The following PPIL2 variants were observed in gnomAD, a reference collection of about 807,000 sequenced individuals.
PPIL2 encodes the protein peptidylprolyl isomerase like 2, also known as RING-type E3 ubiquitin-protein ligase PPIL2.
Under a neutral mutation model 75.2 loss-of-function variants are expected in PPIL2, and 50 were observed. The ratio of observed to expected loss-of-function variants is 0.66; its 90% CI spans 0.53 to 0.84. The LOEUF is 0.84. Among genes scored for constraint, PPIL2 ranks in the 40% least tolerant of loss-of-function variants. PPIL2 has a pLI of 0.00. For synonymous variants in PPIL2, 245 were observed against 258.8 expected (o/e 0.95, Z 0.51); for missense variants, 590 against 685.0 (o/e 0.86, Z 1.55).
intron 6 of PPIL2, 141 bp from the exon 7 acceptor site, chr22:21,681,158 G>T: frequency 1.5e-6 from 1 of 678,772 alleles, no homozygotes; most frequent in South Asian, 1.7e-5. Flanking sequence ...ATGGTTCCCT[G>T]CTCTGGCAGC....
At chr22:21,691,435 C>T (rs1452258680) in intron 15 of PPIL2, among the ~76,000 whole-genome samples, 2 of 152,056 alleles carry the variant, frequency 1.3e-5, no homozygotes, top group African/African-American at 4.8e-5. Context: ...AATCCCAGCA[C>T]TTTGGGAGGC....
At chr22:21,675,021 T>G (rs778499509) in intron 5 of PPIL2, 43 bp from the exon 6 acceptor site, 147 of 1,533,154 alleles carry the variant, frequency 9.6e-5, no homozygotes, top group Non-Finnish European at 1.3e-4. Flanking sequence ...TGTGCATCAG[T>G]TACTTATTCA....
At chr22:21,686,756 C>A in intron 11 of PPIL2, 136 bp from the exon 12 acceptor site, 5 of 1,051,788 alleles carry the variant, frequency 4.8e-6, no homozygotes, top group South Asian at 1.4e-5. Flanking sequence ...CTAAGCAGAC[C>A]CTCGGCCTCC....
In PPIL2 at chr22:21,675,109, A is replaced by G. The variant is rs370015532; in HGVS notation, c.289A>G (p.Ser97Gly). 110 of 1,612,848 alleles carry G rather than the reference A, an allele frequency of 6.8e-5. No individual in the cohort carries two copies. The highest frequency in any genetic ancestry group is 1.4e-5 in the Non-Finnish European group (17 of 1,178,974). ...GATCAAGCTGAACTTTTCCAAGAAC[A>G]GTGAGGGTGAGTGGAACTATCACAG... ...SLIKLNFSKN[S>G]EGKYHCPVLF... Residue 97 changes from serine to glycine, a missense_variant, in exon 6 of 20, where the codon AGT (serine) becomes GGT (glycine). Transcript: ENST00000398831.
rs747811787 is a variant in PPIL2 at position 21,694,922 on chromosome 22, C to G, written c.1333-15C>G. The G allele has an allele frequency of 1.9e-6, 3 of 1,612,068 alleles. No homozygotes were observed. The highest frequency in any genetic ancestry group is 2.2e-5 in the South Asian group (2 of 90,900). The stretch of plus-strand genomic sequence containing the variant: ...CGAGGTGCTGCCGGTTAGCCAGCGC[C>G]CTGTTGTGCCACAGATTGCGCAGGA... On this transcript the variant is annotated splice_polypyrimidine_tract_variant and intron_variant, in intron 18 of 19. Coordinates refer to ENST00000398831, the MANE Select transcript of PPIL2 (RefSeq NM_014337.4).
Position 21,697,300 on chromosome 22 carries a change from G to A in PPIL2, c.*1810G>A, listed in dbSNP as rs1296744809. ...TGAAGGCCTGACCAGGGAGGGAGAA[G>A]CAGGTTTGGAGAGGACCCTGTGCCC... On this transcript the variant is annotated 3_prime_UTR_variant, in exon 20 of 20. Transcript: ENST00000398831. 5 of 353,332 alleles carry A rather than the reference G, an allele frequency of 1.4e-5. No homozygotes were observed. Among genetic ancestry groups the A allele is most frequent in the Non-Finnish European group, 1.6e-5 (3 of 188,622 alleles). 21.9% of individuals were successfully genotyped at this position (353,332 alleles called of 1,614,324 possible). A position where few individuals can be genotyped will look rare whatever the true frequency, so the allele number is the denominator to read the frequency against.
chr22:21,676,309 T>TTGTGTGTGTGTG (rs61112126), intron 6 of PPIL2, among the ~76,000 whole-genome samples: 18,360 of 122,120 alleles, frequency 0.15, 1,545 homozygotes, highest in Non-Finnish European at 0.18. Context: ...TTTATTTATT[T>TTGTGTGTGTGTG]TGTGTGTGTG....
chr22:21,678,882 A>C (rs1220834025), intron 6 of PPIL2, among the ~76,000 whole-genome samples: 1 of 142,948 alleles, frequency 7.0e-6, no homozygotes, highest in Non-Finnish European at 1.5e-5. Flanking sequence ...ATGTACTACC[A>C]TGCCCAGCCA....
rs534602836 is a variant in PPIL2, at chr22:21,687,268, G to A, written c.897+270G>A. On this transcript the variant is annotated intron_variant, in intron 12 of 19. Transcript: ENST00000398831. ...TCTCCCATGCGCTGTACTCTGGGCC[G>A]TGCGGCTGCACGGGTCCTGTTGCTT... Among the ~76,000 whole-genome samples, 277 of 152,330 alleles carry A rather than the reference G, an allele frequency of 1.8e-3. 1 individual carries two copies. Among genetic ancestry groups the A allele is most frequent in the African/African-American group, 6.5e-3 (270 of 41,576 alleles).
At chr22:21,688,613 GTGCCCC>G in intron 14 of PPIL2, 113 bp from the exon 15 acceptor site, 1 of 922,438 alleles carries the variant, frequency 1.1e-6, no homozygotes, top group Non-Finnish European at 1.7e-6. Context: ...TCCCTATCAA[GTGCCCC>G]TGCCCCAGGC....
intron 5 of PPIL2, chr22:21,673,587 A>G (rs1287656840): frequency 6.6e-6 from 1 of 152,324 alleles, no homozygotes; most frequent in African/African-American, 2.4e-5. Flanking sequence ...GCAGTTAGCC[A>G]CGCTGTTAGG....
Position 21,686,401 on chromosome 22 carries a change from G to T in PPIL2, c.715-82G>T, listed in dbSNP as rs561371345. 3.6e-6 allele frequency: 5 copies of T among 1,377,238 alleles called. No individual in the cohort carries two copies. The African/African-American group carries it at 7.1e-5, about 20-fold the overall frequency. 85.3% of individuals were successfully genotyped at this position (1,377,238 alleles called of 1,614,324 possible). Reference sequence around the variant, plus strand: ...GCCTGGGGGGCAGGGGTGGCGTGTGGTTGGCTTCTAGGCAAGCGACACGTC... The same window carrying T: ...GCCTGGGGGGCAGGGGTGGCGTGTGTTTGGCTTCTAGGCAAGCGACACGTC... On this transcript the variant is annotated intron_variant, in intron 10 of 19. Coordinates refer to ENST00000398831, the MANE Select transcript of PPIL2 (RefSeq NM_014337.4).
Position 21,695,630 on chromosome 22 carries a change from G to T in PPIL2, c.*140G>T. On this transcript the variant is annotated 3_prime_UTR_variant, in exon 20 of 20. Coordinates refer to ENST00000398831, the MANE Select transcript of PPIL2 (RefSeq NM_014337.4). ...CCTGCTGCCTGCATCCCCTTTCCTGGCCCCTGGGAGCCCACAGCCTTCCCA... is the reference window on the plus strand; with the variant it reads ...CCTGCTGCCTGCATCCCCTTTCCTGTCCCCTGGGAGCCCACAGCCTTCCCA... The T allele has an allele frequency of 6.8e-7, 1 of 1,468,846 alleles. No homozygotes were observed. The highest frequency in any genetic ancestry group is 9.0e-7 in the Non-Finnish European group (1 of 1,106,684). 91.0% of individuals were successfully genotyped at this position (1,468,846 alleles called of 1,614,324 possible). A position where few individuals can be genotyped will look rare whatever the true frequency, so the allele number is the denominator to read the frequency against.
Position 21,696,921 on chromosome 22 carries a change from G to C in PPIL2, c.*1431G>C, listed in dbSNP as rs200801767. ...ACCACTAGAGGTATGTCTGCCCCTC[G>C]TCACCCTGCTGCACACCAATCTGTG... On this transcript the variant is annotated 3_prime_UTR_variant, in exon 20 of 20. Transcript: ENST00000398831. 12 of 1,589,976 alleles carry C rather than the reference G, an allele frequency of 7.5e-6. No homozygotes were observed. Among genetic ancestry groups the C allele is most frequent in the Non-Finnish European group, 8.6e-7 (1 of 1,168,876 alleles).
In PPIL2 at chr22:21,686,571, G is replaced by A; in HGVS notation, c.790+13G>A. On this transcript the variant is annotated intron_variant, in intron 11 of 19. Transcript: ENST00000398831. Reference sequence around the variant, plus strand: ...ACACATGAAGCAGGTAGCCACCTTGGCCTCTGTAGCCACCTGCCATGTGAC... The same window carrying A: ...ACACATGAAGCAGGTAGCCACCTTGACCTCTGTAGCCACCTGCCATGTGAC... 1 of 1,612,628 alleles carries A rather than the reference G, an allele frequency of 6.2e-7. No individual in the cohort carries two copies. The highest frequency in any genetic ancestry group is 8.5e-7 in the Non-Finnish European group (1 of 1,178,738).
downstream of PPIL2, chr22:21,698,339 A>G (rs1386858002): frequency 2.0e-5 from 3 of 152,340 alleles, no homozygotes; most frequent in African/African-American, 7.2e-5. Context: ...AAGACAGTAC[A>G]AAAACCAAAG....
chr22:21,697,060 C>A lies in PPIL2; in HGVS notation c.*1570C>A. The stretch of plus-strand genomic sequence containing the variant: ...TGTGACCATTGGTCGGGCCCCTGGG[C>A]TCTAGAGTGACTTTTGACGCCCTCC... On this transcript the variant is annotated 3_prime_UTR_variant, in exon 20 of 20. Transcript: ENST00000398831. 2 of 1,454,172 alleles carry A rather than the reference C, an allele frequency of 1.4e-6. No individual in the cohort carries two copies. Among genetic ancestry groups the A allele is most frequent in the Non-Finnish European group, 1.9e-6 (2 of 1,077,878 alleles). 90.1% of individuals were successfully genotyped at this position (1,454,172 alleles called of 1,614,324 possible). A position where few individuals can be genotyped will look rare whatever the true frequency, so the allele number is the denominator to read the frequency against.
chr22:21,666,296 C>T (rs781116657), intron 1 of PPIL2, among the ~76,000 whole-genome samples, 165 bp downstream of exon 1: 3 of 152,128 alleles, frequency 2.0e-5, no homozygotes, highest in Admixed American at 6.5e-5. Context: ...GGTAATGACC[C>T]TCGGGCCGCC....
chr22:21,685,614 C>CT (rs201548290), intron 10 of PPIL2: 1,107 of 403,762 alleles, frequency 2.7e-3, no homozygotes, highest in Admixed American at 4.6e-3. Context: ...TGATATATTA[C>CT]TTTTTTTTTT....
Sources: gnomAD v4.1 joint callset for allele counts (sites outside exome capture counted in the v4.1 genomes callset) on GRCh38, gnomAD v4.1.1 for gene constraint, MANE v1.5 for transcripts, NCBI Gene and HGNC (gene_info 2026-07-23, HGNC 2026-07-21) for gene names.